The following BEST3 variants were observed in gnomAD, a reference collection of about 807,000 sequenced individuals.
BEST3 encodes bestrophin 3.
Under a neutral mutation model 47.1 loss-of-function variants are expected in BEST3, and 50 were observed. The ratio of observed to expected loss-of-function variants is 1.06; its 90% CI spans 0.85 to 1.34. The LOEUF is 1.34. Ranked by LOEUF, BEST3 falls within the 40% of genes most tolerant of loss-of-function variation. The probability of loss-of-function intolerance (pLI) is 0.00; values close to 1 mark genes in which losing one functional copy is unlikely to be tolerated. For missense variants in BEST3, 765 were observed against 817.0 expected (o/e 0.94, Z 0.78); for synonymous variants, 282 against 298.8 (o/e 0.94, Z 0.58).
intron 2 of BEST3, among the ~76,000 whole-genome samples, chr12:69,695,783 A>G (rs1414739821): frequency 6.6e-6 from 1 of 152,196 alleles, no homozygotes; most frequent in Non-Finnish European, 1.5e-5. Flanking sequence ...TCTATATATA[A>G]GAGGCATTGT....
intron 4 of BEST3, among the ~76,000 whole-genome samples, chr12:69,688,827 T>C (rs2136030839): frequency 6.6e-6 from 1 of 152,328 alleles, no homozygotes; most frequent in Middle Eastern, 3.4e-3. Context: ...CTCCAGGAGT[T>C]TGTTCAACTC....
chr12:69,647,152 A>G (rs1476243043), intron 9 of BEST3, among the ~76,000 whole-genome samples: 2 of 152,138 alleles, frequency 1.3e-5, no homozygotes, highest in African/African-American at 4.8e-5. Flanking sequence ...GTAAGCCTCC[A>G]CCTTTGCTGA....
chr12:69,691,051 T>C lies in BEST3; in HGVS notation c.481+2623A>G, dbSNP rs562121232. 1.5e-3 allele frequency among the ~76,000 whole-genome samples: 234 copies of C among 152,266 alleles called. 1 individual carries two copies. Among genetic ancestry groups the C allele is most frequent in the Admixed American group, 3.2e-3 (49 of 15,286 alleles). On this transcript the variant is annotated intron_variant, in intron 4 of 9. Transcript: ENST00000330891. ...CATCATCTACACCCTTCTTCCTTAT[T>C]TCAACCTTGACATTCACAACCTCTT...
downstream of BEST3, among the ~76,000 whole-genome samples, chr12:69,650,059 C>T (rs759614543): frequency 2.6e-5 from 4 of 152,128 alleles, no homozygotes; most frequent in Admixed American, 6.6e-5. Flanking sequence ...AACACAAAAA[C>T]GTAATCTCCA....
intron 2 of BEST3, among the ~76,000 whole-genome samples, chr12:69,695,697 T>C (rs1238417341): frequency 6.6e-6 from 1 of 152,194 alleles, no homozygotes; most frequent in Non-Finnish European, 1.5e-5. Flanking sequence ...GTCTGACACT[T>C]ATGAATTTGG....
At chr12:69,647,158 G>A (rs1393560226) in intron 9 of BEST3, among the ~76,000 whole-genome samples, 1 of 152,166 alleles carries the variant, frequency 6.6e-6, no homozygotes, top group East Asian at 1.9e-4. Flanking sequence ...CTCCACCTTT[G>A]CTGATCCCAG....
chr12:69,691,469 C>T (rs1885920256), intron 4 of BEST3, among the ~76,000 whole-genome samples: 1 of 151,924 alleles, frequency 6.6e-6, no homozygotes, highest in Admixed American at 6.6e-5. Context: ...CTTGTCGTAC[C>T]CAACTAAAAC....
chr12:69,684,676 G>C (rs1205784338), intron 4 of BEST3: 1 of 571,622 alleles, frequency 1.7e-6, no homozygotes, highest in Non-Finnish European at 3.4e-6. Context: ...TTCAGGAAGA[G>C]TGCAACGTGC....
At chr12:69,698,096 A>G (rs1886201070) in intron 1 of BEST3, among the ~76,000 whole-genome samples, 1 of 152,220 alleles carries the variant, frequency 6.6e-6, no homozygotes, top group South Asian at 2.1e-4. Context: ...GCCAATATAT[A>G]TTTGAATGAA....
At position 69,686,185 on chromosome 12, in the gene BEST3, G is replaced by GAA. The variant is rs372482477; in HGVS notation, c.482-7294_482-7293dup. Among the ~76,000 whole-genome samples, 663 of 117,750 alleles carry GAA rather than the reference G, an allele frequency of 5.6e-3. 20 individuals are homozygous for GAA. The highest frequency in any genetic ancestry group is 0.017 in the African/African-American group (545 of 32,094). The allele number at this position is 117,750 out of a possible 152,430, so 77.2% of individuals were successfully genotyped here. On this transcript the variant is annotated intron_variant, in intron 4 of 9. Coordinates refer to ENST00000330891, the MANE Select transcript of BEST3 (RefSeq NM_032735.3). ...ACCCCAGAGCTGTGTAATGGATCAG[G>GAA]AAAAAAAAAAAAACAAACAGCCCAC...
intron 9 of BEST3, among the ~76,000 whole-genome samples, chr12:69,659,741 G>A (rs1463859648): frequency 2.0e-5 from 3 of 151,598 alleles, no homozygotes; most frequent in Non-Finnish European, 4.4e-5. Flanking sequence ...CTCCTTATTT[G>A]ATATTTAAAG....
chr12:69,664,704 T>C lies in BEST3; in HGVS notation c.1100+6724A>G, dbSNP rs956647300. Among the ~76,000 whole-genome samples the C allele has an allele frequency of 1.9e-4, 28 of 147,228 alleles. 1 individual carries two copies. The South Asian group carries it at 5.9e-3, about 31-fold the overall frequency. On this transcript the variant is annotated intron_variant, in intron 9 of 9. Transcript: ENST00000330891. ...TAAAATATTATATTTATATATTATA[T>C]AAATATATATAATATAAAAAATCAA... is the stretch of plus-strand genomic sequence containing the variant.
intron 4 of BEST3, chr12:69,689,410 T>G (rs1885822183): frequency 4.8e-6 from 1 of 207,846 alleles, no homozygotes; most frequent in Non-Finnish European, 8.4e-6. Flanking sequence ...ACCTTTGCCC[T>G]GCCGCCTAAC....
chr12:69,651,158 A>G (rs1238163354), downstream of BEST3, among the ~76,000 whole-genome samples: 1 of 152,208 alleles, frequency 6.6e-6, no homozygotes, highest in African/African-American at 2.4e-5. Flanking sequence ...ACAAGTGACT[A>G]AATGAGGAAG....
intron 4 of BEST3, among the ~76,000 whole-genome samples, chr12:69,681,852 G>A (rs1011238877): frequency 3.3e-5 from 5 of 152,022 alleles, no homozygotes; most frequent in Non-Finnish European, 5.9e-5. Context: ...AGGCCGAGGC[G>A]GGTGGATCAC....
At chr12:69,688,053 A>C (rs761301853) in intron 4 of BEST3, among the ~76,000 whole-genome samples, 2 of 152,236 alleles carry the variant, frequency 1.3e-5, no homozygotes, top group Non-Finnish European at 2.9e-5. Flanking sequence ...AGAGGAATGT[A>C]TATAATTTCC....
At chr12:69,694,046 T>C in intron 3 of BEST3, 139 bp from the exon 4 acceptor site, 1 of 698,804 alleles carries the variant, frequency 1.4e-6, no homozygotes, top group South Asian at 2.0e-5. Flanking sequence ...GATTTTGCCT[T>C]CCAGAAAAAA....
intron 9 of BEST3, among the ~76,000 whole-genome samples, chr12:69,658,049 C>A (rs960334156): frequency 1.3e-5 from 2 of 152,122 alleles, no homozygotes; most frequent in African/African-American, 2.4e-5. Context: ...GGGAGGAGGA[C>A]ACCAGAGGAG....
chr12:69,663,616 A>G (rs1884001118), intron 9 of BEST3, among the ~76,000 whole-genome samples: 1 of 152,128 alleles, frequency 6.6e-6, no homozygotes, highest in Admixed American at 6.6e-5. Context: ...ATCTCTTGAG[A>G]TCAGGAGTTC....
Sources: gnomAD v4.1 joint callset for allele counts (sites outside exome capture counted in the v4.1 genomes callset) on GRCh38, gnomAD v4.1.1 for gene constraint, MANE v1.5 for transcripts, NCBI Gene and HGNC (gene_info 2026-07-23, HGNC 2026-07-21) for gene names.